AGAP1: variants seen among roughly 807,000 people sequenced by gnomAD.
AGAP1 encodes the protein arf-GAP with GTPase, ANK repeat and PH domain-containing protein 1.
AGAP1 carries 29 observed loss-of-function variants against 105.3 expected under a neutral mutation model. That is an observed-to-expected ratio of 0.28 (90% CI 0.21 to 0.38). The LOEUF is 0.38. AGAP1 is among the 10% of genes least tolerant of loss of function. The pLI is 1.00. For synonymous variants in AGAP1, 509 were observed against 485.9 expected (o/e 1.05, Z -0.63); for missense variants, 998 against 1,165.1 (o/e 0.86, Z 2.09).
chr2:235,539,611 G>A (rs1196396456), intron 1 of AGAP1, among the ~76,000 whole-genome samples: 4 of 152,214 alleles, frequency 2.6e-5, no homozygotes, highest in Non-Finnish European at 5.9e-5. Context: ...CAGGTGTGAG[G>A]TGGTGCAGGT....
rs1361697230 is a variant in AGAP1 at position 235,692,815 on chromosome 2, C to T, written c.164-16364C>T. ...GCTGGTCGGCTGCTCTGCTGATTCT[C>T]GAAGGCGGAGTCAGGGTGTGCTTGG... On this transcript the variant is annotated intron_variant, in intron 1 of 17. Transcript: ENST00000304032. This position sits in a 1 kb window ranked among gnomAD's most constrained non-coding sequence, Gnocchi z 5.8. 1.3e-5 allele frequency among the ~76,000 whole-genome samples: 2 copies of T among 152,124 alleles called. No homozygotes were observed. Among genetic ancestry groups the T allele is most frequent in the Non-Finnish European group, 2.9e-5 (2 of 68,022 alleles).
chr2:235,543,401 G>A lies in AGAP1; in HGVS notation c.163+48552G>A, dbSNP rs1943517803. On this transcript the variant is annotated intron_variant, in intron 1 of 17. Coordinates refer to ENST00000304032, the MANE Select transcript of AGAP1 (RefSeq NM_001037131.3). ...GAGTTGAATCAGAGCCTGGAATTCT[G>A]GCTGATGGGCTGTGTCCCCGTGTAC... 2.0e-5 allele frequency among the ~76,000 whole-genome samples: 3 copies of A among 152,324 alleles called. No homozygotes were observed. The South Asian group carries it at 6.2e-4, about 32-fold the overall frequency.
At chr2:235,956,523 A>C (rs1261460093) in intron 12 of AGAP1, among the ~76,000 whole-genome samples, 1 of 152,086 alleles carries the variant, frequency 6.6e-6, no homozygotes, top group African/African-American at 2.4e-5. Context: ...AAAAAAAAAA[A>C]CTGTTGTAGT....
At chr2:236,052,939 AGTG>A (rs1187347945) in intron 16 of AGAP1, among the ~76,000 whole-genome samples, 2 of 152,174 alleles carry the variant, frequency 1.3e-5, no homozygotes, top group African/African-American at 4.8e-5. Flanking sequence ...GGGATGTTGA[AGTG>A]GTGGTGAAGT....
In AGAP1 at chr2:236,056,296, C is replaced by T. The variant is rs1443140757; in HGVS notation, c.2114+7015C>T. ...TTATTTGTTTGATCCTGCAAGAAAC[C>T]AGTGTGTGCTTGGAGCCGGCTTTGC... On this transcript the variant is annotated intron_variant, in intron 16 of 17. Transcript: ENST00000304032. This position sits in a 1 kb window ranked among gnomAD's most constrained non-coding sequence, Gnocchi z 4.6. 6.6e-6 allele frequency among the ~76,000 whole-genome samples: 1 copy of T among 152,174 alleles called. No individual in the cohort carries two copies. The highest frequency in any genetic ancestry group is 1.5e-5 in the Non-Finnish European group (1 of 68,036).
Position 235,792,510 on chromosome 2 carries a change from G to A in AGAP1, c.674-5249G>A, listed in dbSNP as rs951495872. Among the ~76,000 whole-genome samples, 5 of 152,186 alleles carry A rather than the reference G, an allele frequency of 3.3e-5. No individual in the cohort carries two copies. Among genetic ancestry groups the A allele is most frequent in the African/African-American group, 4.8e-5 (2 of 41,440 alleles). On this transcript the variant is annotated intron_variant, in intron 6 of 17. Transcript: ENST00000304032. This position sits in a 1 kb window ranked among gnomAD's most constrained non-coding sequence, Gnocchi z 5.3. ...AGATTTGCCTTTGAGGTCGCCCTGT[G>A]GTGTGTTAGGGGCATTTAGGGGACA...
chr2:236,067,475 A>G (rs73996513), intron 16 of AGAP1, among the ~76,000 whole-genome samples: 1 of 152,210 alleles, frequency 6.6e-6, no homozygotes, highest in South Asian at 2.1e-4. Flanking sequence ...TCTACCTGTC[A>G]TATTTGCTAT....
At chr2:235,656,338 A>G (rs1199387472) in intron 1 of AGAP1, among the ~76,000 whole-genome samples, 1 of 152,238 alleles carries the variant, frequency 6.6e-6, no homozygotes, top group African/African-American at 2.4e-5. Flanking sequence ...CATGAAGCTA[A>G]TTGTTAGATA....
In AGAP1 at chr2:235,983,486, A is replaced by G. The variant is rs1399178664; in HGVS notation, c.1645+14863A>G. Among the ~76,000 whole-genome samples, 1 of 151,640 alleles carries G rather than the reference A, an allele frequency of 6.6e-6. No individual in the cohort carries two copies. The highest frequency in any genetic ancestry group is 2.4e-5 in the African/African-American group (1 of 41,208). On this transcript the variant is annotated intron_variant, in intron 13 of 17. Coordinates refer to ENST00000304032, the MANE Select transcript of AGAP1 (RefSeq NM_001037131.3). This position sits in a 1 kb window ranked among gnomAD's most constrained non-coding sequence, Gnocchi z 4.5. ...TTTCTTTTTTCTTCTTTTCCCATCC[A>G]TAACCTCATCATTGTCTTTTTCTCC...
chr2:235,853,261 C>A, intron 9 of AGAP1: 1 of 978,868 alleles, frequency 1.0e-6, no homozygotes, highest in Non-Finnish European at 1.2e-6. Flanking sequence ...GGTAAAATGG[C>A]TCCCCCTACT....
In AGAP1 at chr2:236,051,306, A is replaced by G. The variant is rs909469522; in HGVS notation, c.2114+2025A>G. On this transcript the variant is annotated intron_variant, in intron 16 of 17. Coordinates refer to ENST00000304032, the MANE Select transcript of AGAP1 (RefSeq NM_001037131.3). This position sits in a 1 kb window ranked among gnomAD's most constrained non-coding sequence, Gnocchi z 5.9. ...TTTCAGTGAAAATCAGCAAATAATC[A>G]TTGCACACTTTCTCGTAGAAAAGCA... 2.6e-4 allele frequency among the ~76,000 whole-genome samples: 39 copies of G among 152,234 alleles called. No homozygotes were observed. Among genetic ancestry groups the G allele is most frequent in the African/African-American group, 8.4e-4 (35 of 41,460 alleles).
chr2:236,067,554 T>C (rs1394493492), intron 16 of AGAP1, among the ~76,000 whole-genome samples: 2 of 152,198 alleles, frequency 1.3e-5, no homozygotes, highest in South Asian at 2.1e-4. Flanking sequence ...AGCTAGCCCA[T>C]TTGAGAAAGT....
At chr2:235,809,143 C>T (rs1365089575) in intron 9 of AGAP1, among the ~76,000 whole-genome samples, 1 of 152,104 alleles carries the variant, frequency 6.6e-6, no homozygotes, top group Non-Finnish European at 1.5e-5. Context: ...TGGCGGGAGT[C>T]CCTCTGTGCG....
At chr2:236,115,055 G>A (rs763916748) in intron 16 of AGAP1, among the ~76,000 whole-genome samples, 8 of 152,200 alleles carry the variant, frequency 5.3e-5, no homozygotes, top group South Asian at 2.1e-4. Flanking sequence ...GAGGAGTTGC[G>A]TGAAGCTCGT....
At chr2:235,834,098 A>G (rs1180760398) in intron 9 of AGAP1, among the ~76,000 whole-genome samples, 1 of 152,144 alleles carries the variant, frequency 6.6e-6, no homozygotes, top group African/African-American at 2.4e-5. Context: ...CCACGGGCAC[A>G]CTGAGTTCTC....
At chr2:236,115,395 A>T (rs2059746888) in intron 16 of AGAP1, among the ~76,000 whole-genome samples, 1 of 152,254 alleles carries the variant, frequency 6.6e-6, no homozygotes, top group Non-Finnish European at 1.5e-5. Context: ...TACACCACTA[A>T]GTCGAGAAAA....
chr2:235,933,916 G>C (rs1204877710), intron 12 of AGAP1, among the ~76,000 whole-genome samples: 1 of 152,190 alleles, frequency 6.6e-6, no homozygotes, highest in African/African-American at 2.4e-5. Flanking sequence ...AGTTTATTGA[G>C]GGCTTTATGT....
Position 235,623,154 on chromosome 2 carries a change from A to G in AGAP1, c.164-86025A>G, listed in dbSNP as rs368651847. Among the ~76,000 whole-genome samples, 13 of 152,216 alleles carry G rather than the reference A, an allele frequency of 8.5e-5. No homozygotes were observed. The highest frequency in any genetic ancestry group is 1.4e-4 in the African/African-American group (6 of 41,454). ...CTACAGCTATGATATTTTAAAATCAATGGGCCTTTCCTTTCATTTCGAACT... is the reference window on the plus strand; with the variant it reads ...CTACAGCTATGATATTTTAAAATCAGTGGGCCTTTCCTTTCATTTCGAACT... On this transcript the variant is annotated intron_variant, in intron 1 of 17. Transcript: ENST00000304032. The surrounding 1 kb of genome is among the most constrained non-coding windows in gnomAD (Gnocchi z 4.5).
chr2:236,016,595 G>A (rs1285612477), intron 13 of AGAP1, among the ~76,000 whole-genome samples: 2 of 152,092 alleles, frequency 1.3e-5, no homozygotes, highest in Non-Finnish European at 2.9e-5. Flanking sequence ...TGGGTGACAC[G>A]GGACCCAGTA....
Sources: allele counts gnomAD v4.1 joint callset (sites outside exome capture counted in the v4.1 genomes callset), GRCh38; gene constraint gnomAD v4.1.1; non-coding constraint Gnocchi (gnomAD v3.1); transcripts MANE v1.5; gene names NCBI Gene and HGNC (gene_info 2026-07-23, HGNC 2026-07-21).